The following PICK1 variants were observed in gnomAD, a reference collection of about 807,000 sequenced individuals.
PICK1 encodes the protein PRKCA-binding protein.
Under a neutral mutation model 48.9 loss-of-function variants are expected in PICK1, and 23 were observed. That is an observed-to-expected ratio of 0.47 (90% CI 0.34 to 0.67). PICK1 has a LOEUF of 0.67. PICK1 is among the 30% of genes least tolerant of loss of function. The pLI is 0.01. For missense variants in PICK1, 423 were observed against 557.1 expected (o/e 0.76, Z 2.42); for synonymous variants, 217 against 228.2 (o/e 0.95, Z 0.44).
chr22:38,065,225 A>G (rs1413619211), intron 4 of PICK1, 95 bp downstream of exon 4: 6 of 1,283,018 alleles, frequency 4.7e-6, no homozygotes, highest in African/African-American at 1.5e-5. Flanking sequence ...GGAAGGGGGT[A>G]TCAGCCCTCA....
At chr22:38,072,961 C>T in intron 9 of PICK1, 39 bp from the exon 10 acceptor site, 1 of 1,368,834 alleles carries the variant, frequency 7.3e-7, no homozygotes, top group Non-Finnish European at 1.0e-6. Flanking sequence ...TGGCACACCC[C>T]TGCCGTGACA....
At position 38,074,129 on chromosome 22, in the gene PICK1, T is replaced by C; in HGVS notation, c.835-178T>C. The C allele has an allele frequency of 1.4e-6, 1 of 707,926 alleles. No homozygotes were observed. The allele number at this position is 707,926 out of a possible 1,614,324, so 43.9% of individuals were successfully genotyped here. A position where few individuals can be genotyped will look rare whatever the true frequency, so the allele number is the denominator to read the frequency against. On this transcript the variant is annotated intron_variant, in intron 11 of 12. Transcript: ENST00000356976. The surrounding 1 kb of genome is among the most constrained non-coding windows in gnomAD (Gnocchi z 4.5). The stretch of plus-strand genomic sequence containing the variant: ...CATTTCGTGGCCAGTGTTCATTGAA[T>C]GTGGCAGAGGTTTGGGTTTGGTTTT...
chr22:38,057,527 C>T lies in PICK1; in HGVS notation c.-118C>T. The T allele has an allele frequency of 2.0e-6, 1 of 498,632 alleles. No individual in the cohort carries two copies. The highest frequency in any genetic ancestry group is 3.6e-6 in the Non-Finnish European group (1 of 275,310). 30.9% of individuals were successfully genotyped at this position (498,632 alleles called of 1,614,324 possible). ...GGCAGCTCCCCAGGGCCTGGAGACC[C>T]GTGGGGCGGACTCTGGGATCTGAGC... On this transcript the variant is annotated 5_prime_UTR_variant, in exon 1 of 13. Transcript: ENST00000356976.
At chr22:38,060,552 C>T (rs1440712338) in intron 3 of PICK1, among the ~76,000 whole-genome samples, 1 of 152,068 alleles carries the variant, frequency 6.6e-6, no homozygotes, top group Non-Finnish European at 1.5e-5. Flanking sequence ...TTCCCAGGAT[C>T]GACCTGGTCT....
rs1323301759 is a variant in PICK1 at position 38,059,322 on chromosome 22, T to C, written c.130T>C (p.Cys44Arg). 1.3e-6 allele frequency: 2 copies of C among 1,561,616 alleles called. No homozygotes were observed. The highest frequency in any genetic ancestry group is 3.8e-5 in the Admixed American group (2 of 52,628). The change falls in exon 3 of 13, where the codon TGT (cysteine) becomes CGT (arginine). Residue 44 changes from cysteine to arginine, a missense_variant. Cys to Arg is a radical substitution (Grantham distance 180). Transcript: ENST00000356976. ...GISIGGGAQY[C>R]PCLYIVQVFD... ...CAGCATTGGAGGAGGGGCCCAGTAC[T>C]GTCCCTGCCTCTATATCGTCCAGGT... is the stretch of plus-strand genomic sequence containing the variant.
chr22:38,064,530 A>G (rs2085479141), intron 3 of PICK1, among the ~76,000 whole-genome samples: 1 of 151,980 alleles, frequency 6.6e-6, no homozygotes, highest in African/African-American at 2.4e-5. Context: ...GGGAGGCCAA[A>G]GCAGGTGGAT....
At position 38,065,127 on chromosome 22, in the gene PICK1, G is replaced by T; in HGVS notation, c.279G>T (p.Val93=). ...AGGTGGCGAAGATGATTCAGGAGGT[G>T]AAGGTAAGGGCTGCTGCAGAGCAGG... ...KVEVAKMIQE[V]KGEVTIHYNK... is the part of the protein sequence containing the mutation. The change falls in exon 4 of 13, where the codon GTG becomes GTT. Residue 93 remains valine (V), a synonymous_variant. Transcript: ENST00000356976. 6.2e-7 allele frequency: 1 copy of T among 1,613,730 alleles called. No individual in the cohort carries two copies. Among genetic ancestry groups the T allele is most frequent in the Non-Finnish European group, 8.5e-7 (1 of 1,179,794 alleles).
intron 6 of PICK1, 121 bp downstream of exon 6, chr22:38,069,243 C>A: frequency 1.4e-6 from 1 of 720,856 alleles, no homozygotes; most frequent in South Asian, 1.6e-5. Context: ...CTGGCCTCTG[C>A]CCGTGGAACT....
chr22:38,063,271 C>T (rs2085449652), intron 3 of PICK1, among the ~76,000 whole-genome samples: 1 of 152,038 alleles, frequency 6.6e-6, no homozygotes, highest in South Asian at 2.1e-4. Context: ...ATCCTCCCAC[C>T]TCAGACCCCC....
At chr22:38,071,907 T>C in intron 8 of PICK1, 163 bp downstream of exon 8, 2 of 700,290 alleles carry the variant, frequency 2.9e-6, no homozygotes, top group Middle Eastern at 3.1e-4. Flanking sequence ...GGGGAACATC[T>C]AGATCAGCTG....
intron 3 of PICK1, 93 bp downstream of exon 3, chr22:38,059,438 T>C (rs898330398): frequency 2.2e-6 from 2 of 892,536 alleles, no homozygotes; most frequent in Non-Finnish European, 3.7e-6. Context: ...GCTGACTCCT[T>C]CTCATTCTTG....
chr22:38,059,190 A>C, intron 2 of PICK1, 44 bp from the exon 3 acceptor site: 1 of 1,444,426 alleles, frequency 6.9e-7, no homozygotes, highest in South Asian at 1.2e-5. Context: ...CGCTCCAGTC[A>C]TCCTTCTGCC....
At chr22:38,058,038 C>G in intron 2 of PICK1, 188 bp downstream of exon 2, 1 of 669,370 alleles carries the variant, frequency 1.5e-6, no homozygotes, top group Non-Finnish European at 2.7e-6. Flanking sequence ...AAGGGATAAT[C>G]ACAGCTCAGT....
intron 3 of PICK1, 21 bp from the exon 4 acceptor site, chr22:38,064,981 A>G (rs765429765): frequency 1.9e-6 from 3 of 1,611,990 alleles, no homozygotes; most frequent in African/African-American, 1.3e-5. Context: ...TTCCCCCACC[A>G]CTCTCCTTAT....
chr22:38,072,508 G>T lies in PICK1; in HGVS notation c.588G>T (p.Val196=), dbSNP rs771223987. 5.0e-6 allele frequency: 8 copies of T among 1,613,550 alleles called. No individual in the cohort carries two copies. The highest frequency in any genetic ancestry group is 6.8e-6 in the Non-Finnish European group (8 of 1,180,036). ...AFGDVFSVIG[V]REPQPAASEA... ...GGGACGTGTTCTCCGTGATCGGGGT[G>T]CGGGAGCCCCAGCCAGCTGCGAGCG... The change falls in exon 9 of 13, where the codon GTG becomes GTT. Residue 196 remains valine (V), a synonymous_variant. Coordinates refer to ENST00000356976, the MANE Select transcript of PICK1 (RefSeq NM_012407.4).
intron 5 of PICK1, 170 bp downstream of exon 5, chr22:38,067,940 G>A (rs2085571495): frequency 2.9e-6 from 2 of 699,058 alleles, no homozygotes; most frequent in Non-Finnish European, 5.3e-6. Flanking sequence ...GGCCTGGGAG[G>A]CCTCCCGGTG....
rs1331513988 is a variant in PICK1, at chr22:38,073,708, G to C, written c.784-65G>C. On this transcript the variant is annotated intron_variant, in intron 10 of 12. Coordinates refer to ENST00000356976, the MANE Select transcript of PICK1 (RefSeq NM_012407.4). This position sits in a 1 kb window ranked among gnomAD's most constrained non-coding sequence, Gnocchi z 5.7. ...CTCTCCTGCTGCGTGTGGGTGATGGGGGTGGAGCTGGGGACCTGGGGTGGG... is the reference window on the plus strand; with the variant it reads ...CTCTCCTGCTGCGTGTGGGTGATGGCGGTGGAGCTGGGGACCTGGGGTGGG... The C allele has an allele frequency of 1.4e-6, 2 of 1,405,336 alleles. No homozygotes were observed. The highest frequency in any genetic ancestry group is 1.0e-6 in the Non-Finnish European group (1 of 991,156). The allele number at this position is 1,405,336 out of a possible 1,614,324, so 87.1% of individuals were successfully genotyped here. A position where few individuals can be genotyped will look rare whatever the true frequency, so the allele number is the denominator to read the frequency against.
Position 38,059,364 on chromosome 22 carries a change from G to T in PICK1, c.153+19G>T, listed in dbSNP as rs372750595. 3 of 1,468,458 alleles carry T rather than the reference G, an allele frequency of 2.0e-6. No individual in the cohort carries two copies. The highest frequency in any genetic ancestry group is 2.0e-5 in the Admixed American group (1 of 50,988). The allele number at this position is 1,468,458 out of a possible 1,614,324, so 91.0% of individuals were successfully genotyped here. A position where few individuals can be genotyped will look rare whatever the true frequency, so the allele number is the denominator to read the frequency against. On this transcript the variant is annotated intron_variant, in intron 3 of 12. Transcript: ENST00000356976. ...CGTCCAGGTATTGGGCGCTTTGGAGGGGGGCACAAGGTACATCCCTACTTG... is the reference window on the plus strand; with the variant it reads ...CGTCCAGGTATTGGGCGCTTTGGAGTGGGGCACAAGGTACATCCCTACTTG...
At chr22:38,059,096 G>C in intron 2 of PICK1, 138 bp from the exon 3 acceptor site, 1 of 692,166 alleles carries the variant, frequency 1.4e-6, no homozygotes, top group Non-Finnish European at 2.7e-6. Context: ...GCATGTTCCA[G>C]CACAAAATGT....
Sources: gnomAD v4.1 joint callset for allele counts (sites outside exome capture counted in the v4.1 genomes callset) on GRCh38, gnomAD v4.1.1 for gene constraint, Gnocchi (gnomAD v3.1) non-coding constraint, MANE v1.5 for transcripts, NCBI Gene and HGNC (gene_info 2026-07-23, HGNC 2026-07-21) for gene names.